Variants in PHACTR3 observed in about 807,000 individuals in gnomAD.
The protein encoded by PHACTR3 is phosphatase and actin regulator 3.
Under a neutral mutation model 66.8 loss-of-function variants are expected in PHACTR3, and 16 were observed. The ratio of observed to expected loss-of-function variants is 0.24; its 90% CI spans 0.16 to 0.36. The LOEUF is 0.36. PHACTR3 is among the 10% of genes least tolerant of loss of function. PHACTR3 has a pLI of 1.00. For missense variants in PHACTR3, 647 were observed against 719.9 expected (o/e 0.90, Z 1.16); for synonymous variants, 323 against 292.1 (o/e 1.11, Z -1.08).
At chr20:59,724,760 C>T (rs115436987) in intron 1 of PHACTR3, among the ~76,000 whole-genome samples, 9 of 152,326 alleles carry the variant, frequency 5.9e-5, no homozygotes, top group African/African-American at 1.9e-4. Flanking sequence ...GCGACTCTCC[C>T]CCTCTCCTCA....
rs1601055597 is a variant in PHACTR3 at position 59,670,609 on chromosome 20, G to GGGGC, written c.118+65480_118+65481insCGGG. On this transcript the variant is annotated intron_variant, in intron 1 of 12. Coordinates refer to ENST00000371015, the MANE Select transcript of PHACTR3 (RefSeq NM_080672.5). ...AGGACAGGCATCTGCCGGGGGTGGG[G>GGGGC]GGGGGGGGCAGGCACTTTTACTGTT... is the stretch of plus-strand genomic sequence containing the variant. Among the ~76,000 whole-genome samples, 51 of 136,826 alleles carry GGGGC rather than the reference G, an allele frequency of 3.7e-4. No individual in the cohort carries two copies. The East Asian group carries it at 3.9e-3, about 10-fold the overall frequency. 89.8% of individuals were successfully genotyped at this position (136,826 alleles called of 152,430 possible).
intron 1 of PHACTR3, among the ~76,000 whole-genome samples, chr20:59,697,429 TG>T (rs1302750908): frequency 6.6e-6 from 1 of 152,216 alleles, no homozygotes; most frequent in Admixed American, 6.5e-5. Context: ...TCCCCATCCT[TG>T]CAGGCAGAGG....
chr20:59,621,830 T>C lies in PHACTR3; in HGVS notation c.118+16698T>C, dbSNP rs114056663. Among the ~76,000 whole-genome samples, 1,032 of 152,244 alleles carry C rather than the reference T, an allele frequency of 6.8e-3. 21 individuals are homozygous for C. The highest frequency in any genetic ancestry group is 0.023 in the African/African-American group (967 of 41,532). On this transcript the variant is annotated intron_variant, in intron 1 of 12. Coordinates refer to ENST00000371015, the MANE Select transcript of PHACTR3 (RefSeq NM_080672.5). ...AGGAAGGGAGGTCACCTCTACAGAATCACATGGCACTTAATTTGTCTTTCC... is the reference window on the plus strand; with the variant it reads ...AGGAAGGGAGGTCACCTCTACAGAACCACATGGCACTTAATTTGTCTTTCC...
chr20:59,695,733 T>A (rs1285801064), intron 1 of PHACTR3, among the ~76,000 whole-genome samples: 1 of 128,458 alleles, frequency 7.8e-6, no homozygotes, highest in Non-Finnish European at 1.6e-5. Flanking sequence ...AGAAGTTGTC[T>A]ATTTTTTTTT....
chr20:59,704,428 G>A (rs1194250954), intron 1 of PHACTR3, among the ~76,000 whole-genome samples: 1 of 152,000 alleles, frequency 6.6e-6, no homozygotes, highest in African/African-American at 2.4e-5. Context: ...TTCTCTCCTG[G>A]ATTATTTTCT....
upstream of PHACTR3, among the ~76,000 whole-genome samples, chr20:59,601,161 C>T (rs984142685): frequency 2.6e-5 from 4 of 152,208 alleles, no homozygotes; most frequent in Non-Finnish European, 4.4e-5. Context: ...CCATCCTCGG[C>T]GTCCACAGAT....
intron 1 of PHACTR3, among the ~76,000 whole-genome samples, chr20:59,612,271 T>C (rs2033876064): frequency 6.6e-6 from 1 of 152,128 alleles, no homozygotes; most frequent in Non-Finnish European, 1.5e-5. Flanking sequence ...GGACTTCCGC[T>C]GTGGGAGGGT....
intron 3 of PHACTR3, among the ~76,000 whole-genome samples, chr20:59,751,845 G>T (rs1007453617): frequency 2.0e-5 from 3 of 152,026 alleles, no homozygotes; most frequent in African/African-American, 7.2e-5. Flanking sequence ...CCTCGTCTCG[G>T]ATATCCGTGA....
chr20:59,723,408 C>CTG (rs1230206824), intron 1 of PHACTR3, among the ~76,000 whole-genome samples: 1 of 152,014 alleles, frequency 6.6e-6, no homozygotes, highest in African/African-American at 2.4e-5. Flanking sequence ...CACCTAACAC[C>CTG]GTGTTTTCAA....
At chr20:59,786,059 A>G (rs1310245142) in intron 7 of PHACTR3, among the ~76,000 whole-genome samples, 1 of 152,240 alleles carries the variant, frequency 6.6e-6, no homozygotes, top group Non-Finnish European at 1.5e-5. Flanking sequence ...TTCCCCTGTG[A>G]TGCTCAAACT....
chr20:59,715,132 C>T (rs868031634), intron 1 of PHACTR3, among the ~76,000 whole-genome samples: 2 of 152,224 alleles, frequency 1.3e-5, no homozygotes, highest in Middle Eastern at 6.8e-3. Context: ...GATCCTTAAA[C>T]ATTTTATTCC....
intron 1 of PHACTR3, among the ~76,000 whole-genome samples, chr20:59,678,477 C>A (rs7354382): frequency 6.6e-6 from 1 of 152,178 alleles, no homozygotes; most frequent in East Asian, 1.9e-4. Flanking sequence ...CCTCTTAGGA[C>A]CCGAGGAATG....
intron 1 of PHACTR3, among the ~76,000 whole-genome samples, chr20:59,742,428 G>C (rs2039199586): frequency 6.6e-6 from 1 of 152,162 alleles, no homozygotes; most frequent in East Asian, 1.9e-4. Flanking sequence ...GACAAGGAAG[G>C]GGTCCAGGAG....
intron 1 of PHACTR3, among the ~76,000 whole-genome samples, chr20:59,673,918 G>T (rs1417228380): frequency 6.6e-6 from 1 of 152,192 alleles, no homozygotes; most frequent in East Asian, 1.9e-4. Context: ...TGACAGGAAG[G>T]CCGGATCAAG....
At chr20:59,694,104 A>G (rs559517015) in intron 1 of PHACTR3, among the ~76,000 whole-genome samples, 3 of 152,322 alleles carry the variant, frequency 2.0e-5, no homozygotes, top group African/African-American at 7.2e-5. Flanking sequence ...TTTATGTCAT[A>G]TGTGACTCTA....
At chr20:59,596,639 C>G (rs976062657) in intron 1 of PHACTR3, among the ~76,000 whole-genome samples, 2 of 152,188 alleles carry the variant, frequency 1.3e-5, no homozygotes, top group African/African-American at 4.8e-5. Flanking sequence ...TGATAACTAT[C>G]TTTGATTTGG....
intron 1 of PHACTR3, among the ~76,000 whole-genome samples, chr20:59,696,023 G>A (rs1029582485): frequency 2.6e-5 from 4 of 152,214 alleles, no homozygotes; most frequent in South Asian, 2.1e-4. Context: ...GTGAGCCACC[G>A]CACCCAGACT....
At chr20:59,839,177 C>CTT (rs984010515) in intron 9 of PHACTR3, among the ~76,000 whole-genome samples, 16 of 152,244 alleles carry the variant, frequency 1.1e-4, no homozygotes, top group African/African-American at 3.4e-4. Context: ...TGTCTGGACA[C>CTT]TTTCACAATG....
Position 59,787,682 on chromosome 20 carries a change from G to A in PHACTR3, c.1174+13192G>A, listed in dbSNP as rs184660638. Among the ~76,000 whole-genome samples the A allele has an allele frequency of 2.6e-5, 4 of 152,200 alleles. No individual in the cohort carries two copies. In the East Asian group the frequency reaches 7.7e-4, roughly 29 times the overall value. On this transcript the variant is annotated intron_variant, in intron 7 of 12. Coordinates refer to ENST00000371015, the MANE Select transcript of PHACTR3 (RefSeq NM_080672.5). ...GCCCCTCTGGCCAGGAGCTGGAGAG[G>A]AGAGTTTCCAGTGCCATTCCTTAGT...
Sources: gnomAD v4.1 joint callset for allele counts (sites outside exome capture counted in the v4.1 genomes callset) on GRCh38, gnomAD v4.1.1 for gene constraint, MANE v1.5 for transcripts, NCBI Gene and HGNC (gene_info 2026-07-23, HGNC 2026-07-21) for gene names.